The following EEF2K variants were observed in gnomAD, a reference collection of about 807,000 sequenced individuals.
EEF2K encodes the protein alternative protein EEF2K.
A neutral mutation model predicts 93.8 loss-of-function variants in EEF2K; 70 were observed. The ratio of observed to expected loss-of-function variants is 0.75; its 90% CI spans 0.62 to 0.91. The LOEUF (loss-of-function observed/expected upper bound fraction) is 0.91, where lower values mean the gene tolerates loss of function less well. EEF2K is among the 40% of genes least tolerant of loss of function. The pLI is 0.00. For missense variants in EEF2K, 935 were observed against 972.9 expected, an observed-to-expected ratio of 0.96 and a Z score of 0.52; for synonymous variants, 376 against 380.8, an observed-to-expected ratio of 0.99 and a Z score of 0.15.
At chr16:22,237,422 G>C (rs962557583) in intron 2 of EEF2K, among the ~76,000 whole-genome samples, 14 of 151,978 alleles carry the variant, frequency 9.2e-5, no homozygotes, top group Admixed American at 3.9e-4. Flanking sequence ...TGGATCACTT[G>C]AGTCCGGGAG....
chr16:22,257,200 C>T (rs960213885), intron 7 of EEF2K, 53 bp from the exon 8 acceptor site: 2 of 1,612,980 alleles, frequency 1.2e-6, no homozygotes, highest in African/African-American at 2.7e-5. Flanking sequence ...CCAGTGCCTG[C>T]ACAGACCTCA....
At chr16:22,258,384 T>G in intron 9 of EEF2K, 110 bp from the exon 10 acceptor site, 1 of 1,131,476 alleles carries the variant, frequency 8.8e-7, no homozygotes, top group Non-Finnish European at 1.3e-6. Flanking sequence ...AACAGGCATG[T>G]TTAGGAGCTG....
chr16:22,238,680 A>G (rs2047192490), intron 2 of EEF2K, among the ~76,000 whole-genome samples: 1 of 151,760 alleles, frequency 6.6e-6, no homozygotes, highest in East Asian at 1.9e-4. Context: ...AAAAAAAAAA[A>G]AAAAAAGCAC....
At chr16:22,211,905 G>T (rs747022911) in intron 1 of EEF2K, among the ~76,000 whole-genome samples, 23 of 152,074 alleles carry the variant, frequency 1.5e-4, no homozygotes, top group Non-Finnish European at 2.9e-4. Context: ...GAGCTGCAGA[G>T]GAACAAGACA....
chr16:22,273,517 AC>A, intron 15 of EEF2K, 108 bp from the exon 16 acceptor site: 1 of 1,511,248 alleles, frequency 6.6e-7, no homozygotes, highest in South Asian at 1.3e-5. Flanking sequence ...TAGCCTCCCA[AC>A]CCGGAGCTCT....
intron 2 of EEF2K, among the ~76,000 whole-genome samples, chr16:22,237,644 C>T (rs1033436041): frequency 4.0e-5 from 6 of 151,608 alleles, no homozygotes; most frequent in Non-Finnish European, 7.4e-5. Context: ...GAAGAAAACT[C>T]GTCTAACCCA....
chr16:22,253,034 G>A (rs1251820591), intron 6 of EEF2K, among the ~76,000 whole-genome samples: 1 of 152,136 alleles, frequency 6.6e-6, no homozygotes, highest in African/African-American at 2.4e-5. Flanking sequence ...TATCATAGTG[G>A]ATACTATGTC....
At position 22,266,466 on chromosome 16, in the gene EEF2K, T is replaced by C. The variant is rs1480728731; in HGVS notation, c.1517T>C (p.Val506Ala). Residue 506 changes from valine to alanine, a missense_variant, in exon 14 of 18, where the codon GTG (valine) becomes GCG (alanine). Transcript: ENST00000263026. Reference protein sequence around the residue: ...LPRASAVALEVQRLNALDLEK... With the variant: ...LPRASAVALEAQRLNALDLEK... The stretch of plus-strand genomic sequence containing the variant: ...AGGGCTTCGGCCGTGGCCCTGGAAG[T>C]GCAAAGGCTTAATGCTCTGGACCTC... The C allele has an allele frequency of 1.9e-6, 3 of 1,614,162 alleles. No homozygotes were observed. The highest frequency in any genetic ancestry group is 2.5e-6 in the Non-Finnish European group (3 of 1,180,024).
intron 4 of EEF2K, among the ~76,000 whole-genome samples, chr16:22,250,257 G>C (rs887619288): frequency 6.6e-6 from 1 of 152,142 alleles, no homozygotes; most frequent in African/African-American, 2.4e-5. Context: ...TTTCATCGCT[G>C]CATGGTATTT....
chr16:22,265,788 G>GT (rs1176172953), intron 13 of EEF2K, among the ~76,000 whole-genome samples: 2 of 152,222 alleles, frequency 1.3e-5, no homozygotes, highest in Non-Finnish European at 2.9e-5. Context: ...GAAATGATGT[G>GT]TTTTTTAAAC....
At chr16:22,248,601 C>T (rs540719073) in intron 3 of EEF2K, among the ~76,000 whole-genome samples, 154 bp from the exon 4 acceptor site, 1 of 152,206 alleles carries the variant, frequency 6.6e-6, no homozygotes, top group East Asian at 1.9e-4. Flanking sequence ...GTGTCTCCAA[C>T]CCAACCCAGG....
intron 10 of EEF2K, 188 bp downstream of exon 10, chr16:22,258,883 C>A (rs968298338): frequency 3.2e-5 from 21 of 665,738 alleles, no homozygotes; most frequent in Non-Finnish European, 4.9e-5. Context: ...ATAAAAACAA[C>A]CCCTATTGTA....
At chr16:22,261,499 G>T (rs779850576) in intron 11 of EEF2K, among the ~76,000 whole-genome samples, 20 of 152,026 alleles carry the variant, frequency 1.3e-4, no homozygotes, top group South Asian at 8.3e-4. Flanking sequence ...AGACCAGCCT[G>T]ACCAACATGC....
chr16:22,249,942 C>A (rs935309105), intron 4 of EEF2K, among the ~76,000 whole-genome samples: 3 of 151,950 alleles, frequency 2.0e-5, no homozygotes, highest in Non-Finnish European at 4.4e-5. Context: ...CCATCACGCC[C>A]AGCCAATTTT....
chr16:22,233,110 A>G (rs2047132305), intron 2 of EEF2K, among the ~76,000 whole-genome samples: 1 of 152,196 alleles, frequency 6.6e-6, no homozygotes, highest in Admixed American at 6.6e-5. Flanking sequence ...AAAGATGTTT[A>G]TAGAGTTTAT....
rs143056511 is a variant in EEF2K, at chr16:22,255,597, C to G, written c.619-1151C>G. ...TGGGTGGCTGTGTACCCTTTTAAAA[C>G]TCAAAGGAAAACAGAGCTGAGCACA... is the stretch of plus-strand genomic sequence containing the variant. On this transcript the variant is annotated intron_variant, in intron 6 of 17. Coordinates refer to ENST00000263026, the MANE Select transcript of EEF2K (RefSeq NM_013302.5). Among the ~76,000 whole-genome samples the G allele has an allele frequency of 4.4e-3, 666 of 152,302 alleles. 4 individuals carry two copies. The highest frequency in any genetic ancestry group is 6.8e-3 in the Middle Eastern group (2 of 294).
At position 22,258,616 on chromosome 16, in the gene EEF2K, C is replaced by T. The variant is rs759547277; in HGVS notation, c.1152C>T (p.Asn384=). The change falls in exon 10 of 18, where the codon AAC becomes AAT. Residue 384 remains asparagine, a synonymous_variant. Transcript: ENST00000263026. ...TTTCAGAGAACTCTGGAGACGAGAA[C>T]ATGAGCGACGTGACCTTCGACTCTC... ...RPLSENSGDE[N]MSDVTFDSLP... 6.2e-7 allele frequency: 1 copy of T among 1,614,164 alleles called. No individual in the cohort carries two copies. Among genetic ancestry groups the T allele is most frequent in the Non-Finnish European group, 8.5e-7 (1 of 1,180,024 alleles).
chr16:22,260,668 T>A, intron 11 of EEF2K, 139 bp downstream of exon 11: 1 of 1,023,638 alleles, frequency 9.8e-7, no homozygotes, highest in Non-Finnish European at 1.5e-6. Context: ...ATGGGGGAAT[T>A]AGGGAGGATG....
intron 2 of EEF2K, among the ~76,000 whole-genome samples, chr16:22,226,833 T>G (rs1357763193): frequency 1.3e-5 from 2 of 152,226 alleles, no homozygotes; most frequent in Non-Finnish European, 2.9e-5. Flanking sequence ...GCCAGCACTT[T>G]GAGAGGACAA....
Sources: allele counts gnomAD v4.1 joint callset (sites outside exome capture counted in the v4.1 genomes callset), GRCh38; gene constraint gnomAD v4.1.1; transcripts MANE v1.5; gene names NCBI Gene and HGNC (gene_info 2026-07-23, HGNC 2026-07-21).